Variants in CAMTA1 observed in about 807,000 individuals in gnomAD.
CAMTA1 encodes the protein calmodulin-binding transcription activator 1.
In CAMTA1, 27 loss-of-function variants were observed where a neutral mutation model predicts 170.9. That is an observed-to-expected ratio of 0.16 (90% CI 0.12 to 0.22). CAMTA1 has a LOEUF of 0.22. CAMTA1 is among the 10% of genes least tolerant of loss of function. The probability of loss-of-function intolerance (pLI) is 1.00; values close to 1 mark genes in which losing one functional copy is unlikely to be tolerated. For synonymous variants in CAMTA1, 833 were observed against 891.5 expected (o/e 0.93, Z 1.17); for missense variants, 1,619 against 2,217.2 (o/e 0.73, Z 5.42).
rs150450787 is a variant in CAMTA1, at chr1:7,689,506, G to A, written c.2914+11773G>A. Among the ~76,000 whole-genome samples the A allele has an allele frequency of 3.3e-3, 504 of 152,204 alleles. 1 individual carries two copies. The highest frequency in any genetic ancestry group is 0.012 in the African/African-American group (486 of 41,520). ...AGGCAGGAGGATCGCTTGAGCCCTG[G>A]AGGTTGAGGCTGCAGTGAGCTGAGA... On this transcript the variant is annotated intron_variant, in intron 11 of 22. Transcript: ENST00000303635.
chr1:7,020,764 C>T (rs768944262), intron 3 of CAMTA1, among the ~76,000 whole-genome samples: 10 of 152,166 alleles, frequency 6.6e-5, no homozygotes, highest in Non-Finnish European at 1.2e-4. Context: ...TGATCAGAGA[C>T]AGAGCTGGAG....
chr1:7,302,563 A>G (rs983393294), intron 5 of CAMTA1, among the ~76,000 whole-genome samples: 14 of 152,232 alleles, frequency 9.2e-5, no homozygotes, highest in African/African-American at 3.4e-4. Context: ...CAATGCTGCG[A>G]GTAATGAAAT....
chr1:7,381,961 G>A (rs1339189079), intron 5 of CAMTA1, among the ~76,000 whole-genome samples: 1 of 152,140 alleles, frequency 6.6e-6, no homozygotes, highest in African/African-American at 2.4e-5. Context: ...GAACTGGCTG[G>A]GCAACTGGTT....
At chr1:7,497,236 C>T (rs1404662174) in intron 6 of CAMTA1, among the ~76,000 whole-genome samples, 1 of 152,202 alleles carries the variant, frequency 6.6e-6, no homozygotes, top group Non-Finnish European at 1.5e-5. Context: ...ACCCATCAGA[C>T]ACGATGGCTG....
At chr1:7,285,681 C>T (rs1057308124) in intron 5 of CAMTA1, among the ~76,000 whole-genome samples, 5 of 152,174 alleles carry the variant, frequency 3.3e-5, no homozygotes, top group African/African-American at 1.2e-4. Flanking sequence ...GGGAACTCGG[C>T]GCACAGGTGA....
chr1:7,013,415 GTTGACCAGGCTGGTC>G (rs1700104806), intron 3 of CAMTA1, among the ~76,000 whole-genome samples: 2 of 152,014 alleles, frequency 1.3e-5, no homozygotes, highest in South Asian at 4.1e-4. Context: ...GTTTCGCCAT[GTTGACCAGGCTGGTC>G]TTGAACTCCT....
intron 4 of CAMTA1, among the ~76,000 whole-genome samples, chr1:7,231,384 T>A (rs1340269826): frequency 6.6e-6 from 1 of 151,752 alleles, no homozygotes; most frequent in Non-Finnish European, 1.5e-5. Flanking sequence ...GTTTTATTTT[T>A]TTTGAAAGAG....
chr1:7,670,702 C>T (rs976820674), intron 9 of CAMTA1, among the ~76,000 whole-genome samples: 2 of 152,310 alleles, frequency 1.3e-5, no homozygotes, highest in East Asian at 1.9e-4. Context: ...GGGGAAGGAG[C>T]GCCTTGGGCT....
chr1:7,512,500 A>G (rs1309263514), intron 6 of CAMTA1, among the ~76,000 whole-genome samples: 3 of 152,214 alleles, frequency 2.0e-5, no homozygotes, highest in Non-Finnish European at 4.4e-5. Flanking sequence ...GATTGTAGGC[A>G]GATTCAGTGG....
intron 22 of CAMTA1, among the ~76,000 whole-genome samples, chr1:7,759,780 T>C (rs2096961031): frequency 6.6e-6 from 1 of 152,196 alleles, no homozygotes; most frequent in South Asian, 2.1e-4. Context: ...TTCAGTTACA[T>C]AACAGATTTA....
intron 4 of CAMTA1, among the ~76,000 whole-genome samples, chr1:7,150,070 C>T (rs987071758): frequency 1.3e-5 from 2 of 152,176 alleles, no homozygotes; most frequent in African/African-American, 2.4e-5. Context: ...GCTGTTCGGT[C>T]GCCCAGCGGC....
At chr1:7,734,126 T>C (rs1436776616) in intron 12 of CAMTA1, among the ~76,000 whole-genome samples, 1 of 152,146 alleles carries the variant, frequency 6.6e-6, no homozygotes, top group Non-Finnish European at 1.5e-5. Context: ...TTTGTATTTT[T>C]AGTAGAGACG....
chr1:7,135,681 T>C (rs1645500160), intron 4 of CAMTA1, among the ~76,000 whole-genome samples: 1 of 152,186 alleles, frequency 6.6e-6, no homozygotes, highest in Non-Finnish European at 1.5e-5. Context: ...CCTGTTGCCT[T>C]TTCTCATTGC....
intron 4 of CAMTA1, among the ~76,000 whole-genome samples, chr1:7,205,815 A>G (rs984449174): frequency 2.0e-5 from 3 of 151,844 alleles, no homozygotes; most frequent in Admixed American, 6.6e-5. Flanking sequence ...AATTAACCCA[A>G]TTTTCTTCTA....
chr1:6,922,290 G>A (rs10864247), intron 3 of CAMTA1, among the ~76,000 whole-genome samples: 99,674 of 152,062 alleles, frequency 0.66, 33,217 homozygotes, highest in Admixed American at 0.76. Flanking sequence ...AGTGAGATTT[G>A]TGTATTGTTT....
In CAMTA1 at chr1:7,724,615, G is replaced by A. The variant is rs181045748; in HGVS notation, c.2915-7833G>A. ...TGGGAGGCTGAGGTGGGCAGATCAC[G>A]AAGTCAGGAGATTGAGACCATCCTG... On this transcript the variant is annotated intron_variant, in intron 11 of 22. Transcript: ENST00000303635. 1.3e-3 allele frequency among the ~76,000 whole-genome samples: 194 copies of A among 151,992 alleles called. 1 individual carries two copies. Among genetic ancestry groups the A allele is most frequent in the Non-Finnish European group, 2.2e-3 (150 of 67,960 alleles).
intron 3 of CAMTA1, among the ~76,000 whole-genome samples, chr1:7,062,474 G>C (rs1031552530): frequency 6.6e-6 from 1 of 152,156 alleles, no homozygotes; most frequent in African/African-American, 2.4e-5. Context: ...GGTGAGTCTC[G>C]AGCGGCCGGT....
rs1216333954 is a variant in CAMTA1, at chr1:7,635,583, TG to T, written c.511-4812del. Among the ~76,000 whole-genome samples, 2 of 132,612 alleles carry T rather than the reference TG, an allele frequency of 1.5e-5. No homozygotes were observed. Among genetic ancestry groups the T allele is most frequent in the Admixed American group, 8.2e-5 (1 of 12,174 alleles). 87.0% of individuals were successfully genotyped at this position (132,612 alleles called of 152,430 possible). On this transcript the variant is annotated intron_variant, in intron 6 of 22. Coordinates refer to ENST00000303635, the MANE Select transcript of CAMTA1 (RefSeq NM_015215.4). This position sits in a 1 kb window ranked among gnomAD's most constrained non-coding sequence, Gnocchi z 4.4. Reference sequence around the variant, plus strand: ...GAGATCGCGCCACTGCACTCCAGCCTGGGGGACAGAGCAAGACTCCGTCTCA... The same window carrying T: ...GAGATCGCGCCACTGCACTCCAGCCTGGGGACAGAGCAAGACTCCGTCTCA...
intron 5 of CAMTA1, among the ~76,000 whole-genome samples, chr1:7,378,316 G>A (rs1321035763): frequency 6.6e-6 from 1 of 152,222 alleles, no homozygotes; most frequent in East Asian, 1.9e-4. Context: ...GAGAGAGGAA[G>A]CCGTGTTACA....
Sources: gnomAD v4.1 joint callset for allele counts (sites outside exome capture counted in the v4.1 genomes callset) on GRCh38, gnomAD v4.1.1 for gene constraint, Gnocchi (gnomAD v3.1) non-coding constraint, MANE v1.5 for transcripts, NCBI Gene and HGNC (gene_info 2026-07-23, HGNC 2026-07-21) for gene names.